PTPRJ: variants seen among roughly 807,000 people sequenced by gnomAD.
PTPRJ encodes protein tyrosine phosphatase receptor type J.
Under a neutral mutation model 141.3 loss-of-function variants are expected in PTPRJ, and 129 were observed. The observed-to-expected ratio is 0.91, with a 90% confidence interval of 0.79 to 1.06. PTPRJ has a LOEUF of 1.06. Ranked by LOEUF, PTPRJ falls within the 50% of genes least tolerant of loss-of-function variation. The pLI, the probability that PTPRJ is intolerant of heterozygous loss-of-function variation, is 0.00. For missense variants in PTPRJ, 1,601 were observed against 1,679.7 expected (o/e 0.95, Z 0.82); for synonymous variants, 610 against 640.5 (o/e 0.95, Z 0.72).
intron 8 of PTPRJ, among the ~76,000 whole-genome samples, chr11:48,134,563 A>G (rs1246168371): frequency 6.6e-6 from 1 of 152,186 alleles, no homozygotes; most frequent in African/African-American, 2.4e-5. Flanking sequence ...TTTGGAGTAG[A>G]TAGTACGTAA....
Position 48,124,991 on chromosome 11 carries a change from C to A in PTPRJ, c.898C>A (p.Arg300=). The change falls in exon 6 of 25, where the codon CGG becomes AGG. Residue 300 remains arginine (R), a synonymous_variant. Coordinates refer to ENST00000418331, the MANE Select transcript of PTPRJ (RefSeq NM_002843.4). ...AGATGCCAGCAATACAGAGAGAAGC[C>A]GGGCAGGGAGCCCCACCGCCCCTGT... is the stretch of plus-strand genomic sequence containing the variant. ...GLDASNTERS[R]AGSPTAPVHD... The A allele has an allele frequency of 6.2e-7, 1 of 1,613,938 alleles. No homozygotes were observed. The highest frequency in any genetic ancestry group is 1.3e-5 in the African/African-American group (1 of 75,002).
intron 1 of PTPRJ, among the ~76,000 whole-genome samples, chr11:47,993,144 G>A (rs927872643): frequency 2.6e-5 from 4 of 152,212 alleles, no homozygotes; most frequent in Non-Finnish European, 5.9e-5. Flanking sequence ...TGGGCCGACT[G>A]AAAGCTTTGG....
chr11:48,149,181 G>A (rs1436921153), intron 15 of PTPRJ, among the ~76,000 whole-genome samples: 1 of 152,184 alleles, frequency 6.6e-6, no homozygotes, highest in Admixed American at 6.5e-5. Context: ...TTGCAAGGAA[G>A]TTCTTAAAAG....
intron 1 of PTPRJ, among the ~76,000 whole-genome samples, 179 bp from the exon 2 acceptor site, chr11:48,109,879 T>C (rs549470885): frequency 6.6e-6 from 1 of 152,222 alleles, no homozygotes; most frequent in South Asian, 2.1e-4. Context: ...GACCCCGAGG[T>C]TGCAATGATT....
intron 1 of PTPRJ, among the ~76,000 whole-genome samples, chr11:48,086,420 C>G (rs1041352126): frequency 2.6e-5 from 4 of 152,238 alleles, no homozygotes; most frequent in African/African-American, 9.6e-5. Flanking sequence ...GATCCACTCG[C>G]TTCGGCCTCC....
chr11:47,983,552 A>G (rs553729734), intron 1 of PTPRJ, among the ~76,000 whole-genome samples: 4 of 152,344 alleles, frequency 2.6e-5, no homozygotes, highest in African/African-American at 7.2e-5. Context: ...CGGAAAAGCA[A>G]TTTTTGAACT....
At chr11:48,025,909 G>T (rs560310393) in intron 1 of PTPRJ, among the ~76,000 whole-genome samples, 1 of 152,104 alleles carries the variant, frequency 6.6e-6, no homozygotes, top group African/African-American at 2.4e-5. Context: ...TTCCCTCTCT[G>T]ATTTGCTCAT....
intron 1 of PTPRJ, among the ~76,000 whole-genome samples, chr11:48,019,784 G>C (rs893047707): frequency 6.6e-6 from 1 of 152,210 alleles, no homozygotes; most frequent in Admixed American, 6.5e-5. Context: ...TTCCTAGTCC[G>C]TGTTGTGTAC....
intron 1 of PTPRJ, among the ~76,000 whole-genome samples, chr11:48,012,378 G>A (rs1037457794): frequency 1.3e-5 from 2 of 152,122 alleles, no homozygotes; most frequent in Non-Finnish European, 1.5e-5. Flanking sequence ...AGTGCTGCCC[G>A]CCATGCCTGT....
chr11:48,123,870 G>C lies in PTPRJ; in HGVS notation c.874G>C (p.Asp292His). 1 of 1,613,312 alleles carries C rather than the reference G, an allele frequency of 6.2e-7. No homozygotes were observed. Among genetic ancestry groups the C allele is most frequent in the Non-Finnish European group, 8.5e-7 (1 of 1,179,472 alleles). ...CCCCTTGGGCACAGAAGGTGGCTTGGGTGAGTTACAAAGGGTACCTTCCGT... is the reference window on the plus strand; with the variant it reads ...CCCCTTGGGCACAGAAGGTGGCTTGCGTGAGTTACAAAGGGTACCTTCCGT... ...GDPLGTEGGL[D>H]ASNTERSRAG... The change falls in exon 5 of 25, where the codon GAT becomes CAT. Residue 292 changes from aspartate to histidine, a missense_variant and splice_region_variant. Asp to His is a moderately conservative substitution (Grantham distance 81, BLOSUM62 -1). Coordinates refer to ENST00000418331, the MANE Select transcript of PTPRJ (RefSeq NM_002843.4).
chr11:48,115,008 G>A (rs1856530675), intron 3 of PTPRJ, among the ~76,000 whole-genome samples: 2 of 151,704 alleles, frequency 1.3e-5, no homozygotes, highest in African/African-American at 2.4e-5. Flanking sequence ...ATACAGAGGA[G>A]GAAAAATAAA....
At position 48,041,324 on chromosome 11, in the gene PTPRJ, G is replaced by A. The variant is rs114121807; in HGVS notation, c.96+60316G>A. On this transcript the variant is annotated intron_variant, in intron 1 of 24. Coordinates refer to ENST00000418331, the MANE Select transcript of PTPRJ (RefSeq NM_002843.4). ...GCGTTTCTGTTCCTTGACCATTCCC[G>A]GGTTTGACTAATAACTCTCATACAC... 5.2e-3 allele frequency among the ~76,000 whole-genome samples: 796 copies of A among 152,236 alleles called. 7 individuals are homozygous for A. The highest frequency in any genetic ancestry group is 0.019 in the African/African-American group (770 of 41,530).
chr11:48,013,593 C>T (rs1039188836), intron 1 of PTPRJ, among the ~76,000 whole-genome samples: 3 of 152,216 alleles, frequency 2.0e-5, no homozygotes, highest in Non-Finnish European at 4.4e-5. Flanking sequence ...GGTGGCCTGA[C>T]TGCCAGCCTG....
At chr11:48,116,189 G>A (rs1162747577) in intron 3 of PTPRJ, among the ~76,000 whole-genome samples, 2 of 151,922 alleles carry the variant, frequency 1.3e-5, no homozygotes, top group African/African-American at 4.8e-5. Flanking sequence ...CACCTCACCT[G>A]CAAGGACATG....
intron 21 of PTPRJ, among the ~76,000 whole-genome samples, chr11:48,157,148 C>T (rs1354151135): frequency 6.6e-6 from 1 of 152,022 alleles, no homozygotes; most frequent in Non-Finnish European, 1.5e-5. Flanking sequence ...GCCACCATGC[C>T]CAGCTACTTT....
intron 18 of PTPRJ, among the ~76,000 whole-genome samples, chr11:48,150,764 C>T (rs577290764): frequency 5.9e-5 from 9 of 152,202 alleles, no homozygotes; most frequent in Non-Finnish European, 1.3e-4. Flanking sequence ...TGTGCTCCAA[C>T]CAGCCCAGGA....
chr11:48,136,050 G>A lies in PTPRJ; in HGVS notation c.1627G>A (p.Val543Met). 6.2e-7 allele frequency: 1 copy of A among 1,614,056 alleles called. No individual in the cohort carries two copies. Among genetic ancestry groups the A allele is most frequent in the East Asian group, 2.2e-5 (1 of 44,884 alleles). The change falls in exon 9 of 25, where the codon GTG becomes ATG. Residue 543 changes from valine to methionine, a missense_variant. By Grantham distance (21) the Val-to-Met change is conservative. Transcript: ENST00000418331. Reference protein sequence around the residue: ...TVCNRTVPSAVFDIHVVYVTT... With the variant: ...TVCNRTVPSAMFDIHVVYVTT... ...TTTCTTCTGAGCAGTTCCCAGTGCA[G>A]TGTTTGACATCCACGTGGTCTACGT...
At chr11:48,133,977 A>G (rs1339651670) in intron 8 of PTPRJ, among the ~76,000 whole-genome samples, 1 of 152,206 alleles carries the variant, frequency 6.6e-6, no homozygotes, top group African/African-American at 2.4e-5. Flanking sequence ...TTATTGTTTA[A>G]TGGCTACAGT....
intron 3 of PTPRJ, among the ~76,000 whole-genome samples, chr11:48,119,440 C>T (rs1856650858): frequency 1.3e-5 from 2 of 152,114 alleles, no homozygotes; most frequent in Admixed American, 6.5e-5. Flanking sequence ...GCTCTGTTGC[C>T]CAGGCTGGAG....
Sources: gnomAD v4.1 joint callset for allele counts (sites outside exome capture counted in the v4.1 genomes callset) on GRCh38, gnomAD v4.1.1 for gene constraint, MANE v1.5 for transcripts, NCBI Gene and HGNC (gene_info 2026-07-23, HGNC 2026-07-21) for gene names.